The following TPRKB variants were observed in gnomAD, a reference collection of about 807,000 sequenced individuals.
TPRKB encodes TP53RK binding protein.
In TPRKB, 11 loss-of-function variants were observed where a neutral mutation model predicts 17.8. The observed-to-expected ratio is 0.62, with a 90% confidence interval of 0.39 to 1.02. TPRKB has a LOEUF of 1.02. TPRKB is among the 50% of genes least tolerant of loss of function. The pLI is 0.00. For synonymous variants in TPRKB, 71 were observed against 69.5 expected, an observed-to-expected ratio of 1.02 and a Z score of -0.11; for missense variants, 228 against 198.0, an observed-to-expected ratio of 1.15 and a Z score of -0.91.
rs148464280 is a variant in TPRKB at position 73,734,345 on chromosome 2, C to T, written c.141+84G>A. On this transcript the variant is annotated intron_variant, in intron 2 of 4. Coordinates refer to ENST00000272424, the MANE Select transcript of TPRKB (RefSeq NM_016058.5). ...AACTCCTGACCTCAGATGATCCACCCGCCTCGGCCTCCTAAAGTGCTGGCA... is the reference window on the plus strand; with the variant it reads ...AACTCCTGACCTCAGATGATCCACCTGCCTCGGCCTCCTAAAGTGCTGGCA... The T allele has an allele frequency of 2.4e-3, 3,367 of 1,392,622 alleles. 60 individuals are homozygous for T. In the African/African-American group the frequency reaches 0.041, roughly 17 times the overall value. 86.3% of individuals were successfully genotyped at this position (1,392,622 alleles called of 1,614,324 possible). A position where few individuals can be genotyped will look rare whatever the true frequency, so the allele number is the denominator to read the frequency against.
chr2:73,735,761 A>G (rs537272193), intron 1 of TPRKB, among the ~76,000 whole-genome samples: 2 of 152,344 alleles, frequency 1.3e-5, no homozygotes, highest in South Asian at 4.1e-4. Context: ...TCTTAATAAA[A>G]TATTTTGGTG....
At position 73,730,615 on chromosome 2, in the gene TPRKB, T is replaced by G; in HGVS notation, c.386A>C (p.His129Pro). Residue 129 changes from histidine to proline, a missense_variant, in exon 4 of 5, where the codon CAT (histidine) becomes CCT (proline). Coordinates refer to ENST00000272424, the MANE Select transcript of TPRKB (RefSeq NM_016058.5). ...QEYLISQVEG[H>P]QVSLKNLPEI... ...AGGAAGATTTTTCAGAGAAACCTGA[T>G]GACCTTCTACTTGAGATATTAGGTA... is the stretch of plus-strand genomic sequence containing the variant. 1.3e-6 allele frequency: 2 copies of G among 1,594,362 alleles called. 1 individual carries two copies. Among genetic ancestry groups the G allele is most frequent in the South Asian group, 2.3e-5 (2 of 86,264 alleles).
chr2:73,734,476 T>G lies in TPRKB; in HGVS notation c.94A>C (p.Lys32Gln), dbSNP rs1283083604. 1 of 1,614,010 alleles carries G rather than the reference T, an allele frequency of 6.2e-7. No individual in the cohort carries two copies. Among genetic ancestry groups the G allele is most frequent in the Non-Finnish European group, 8.5e-7 (1 of 1,179,968 alleles). The change falls in exon 2 of 5, where the codon AAG becomes CAG. Residue 32 changes from lysine to glutamine, a missense_variant. Transcript: ENST00000272424. ...CCATCGATGGTGCCTTCCATGGCCTTTCTTCTCAAGTCTCCCGCATTTTTT... is the reference window on the plus strand; with the variant it reads ...CCATCGATGGTGCCTTCCATGGCCTGTCTTCTCAAGTCTCCCGCATTTTTT... ...DVKNAGDLRR[K>Q]AMEGTIDGSL...
rs182515078 is a variant in TPRKB, at chr2:73,730,873, T to C, written c.265-137A>G. 11 of 560,458 alleles carry C rather than the reference T, an allele frequency of 2.0e-5. No individual in the cohort carries two copies. The Admixed American group carries it at 2.1e-4, about 11-fold the overall frequency. 34.7% of individuals were successfully genotyped at this position (560,458 alleles called of 1,614,324 possible). On this transcript the variant is annotated intron_variant, in intron 3 of 4. Transcript: ENST00000272424. ...CCTAACAGTTCTCACTGCCTACTTTTTCACTTTAATGATTCCTTTCCAACA... is the reference window on the plus strand; with the variant it reads ...CCTAACAGTTCTCACTGCCTACTTTCTCACTTTAATGATTCCTTTCCAACA...
chr2:73,735,867 G>A (rs1370417072), intron 1 of TPRKB, among the ~76,000 whole-genome samples: 2 of 152,096 alleles, frequency 1.3e-5, no homozygotes, highest in African/African-American at 4.8e-5. Flanking sequence ...AATTATATAA[G>A]ATGTTCCTCT....
rs932753922 is a variant in TPRKB at position 73,735,328 on chromosome 2, G to A, written c.-22-737C>T. Among the ~76,000 whole-genome samples, 6 of 101,230 alleles carry A rather than the reference G, an allele frequency of 5.9e-5. 1 individual carries two copies. Among genetic ancestry groups the A allele is most frequent in the South Asian group, 3.9e-4 (1 of 2,594 alleles). 66.4% of individuals were successfully genotyped at this position (101,230 alleles called of 152,430 possible). ...GCCTGGGCAACAAGAGTGAAACTCC[G>A]TCTCAAAAAAAAAAAAGAATAGGGG... On this transcript the variant is annotated intron_variant, in intron 1 of 4. Coordinates refer to ENST00000272424, the MANE Select transcript of TPRKB (RefSeq NM_016058.5).
intron 4 of TPRKB, 93 bp downstream of exon 4, chr2:73,730,467 C>G (rs1671547138): frequency 2.3e-6 from 2 of 883,128 alleles, no homozygotes; most frequent in Non-Finnish European, 1.7e-6. Flanking sequence ...CTCAAAAGTT[C>G]AAAAAACAAG....
chr2:73,734,043 T>C (rs1671761263), intron 2 of TPRKB, among the ~76,000 whole-genome samples: 1 of 149,656 alleles, frequency 6.7e-6, no homozygotes, highest in Non-Finnish European at 1.5e-5. Flanking sequence ...CCTGACCTCA[T>C]GATCTGCCTG....
intron 1 of TPRKB, among the ~76,000 whole-genome samples, chr2:73,735,296 C>G (rs1280545529): frequency 6.6e-6 from 1 of 151,478 alleles, no homozygotes; most frequent in Non-Finnish European, 1.5e-5. Flanking sequence ...CATACCATTG[C>G]ACCCCAGCCT....
chr2:73,732,089 A>T, intron 3 of TPRKB, 74 bp downstream of exon 3: 4 of 1,501,070 alleles, frequency 2.7e-6, no homozygotes, highest in Non-Finnish European at 3.6e-6. Flanking sequence ...GCAGGAATTT[A>T]GCCTCCAACC....
rs750795128 is a variant in TPRKB at position 73,734,521 on chromosome 2, G to A, written c.49C>T (p.Leu17Phe). 5 of 1,613,760 alleles carry A rather than the reference G, an allele frequency of 3.1e-6. No homozygotes were observed. The East Asian group carries it at 6.7e-5, about 22-fold the overall frequency. ...LDLFPECRVT[L>F]LLFKDVKNAG... is the part of the protein sequence containing the mutation. ...TTTTTTACATCTTTAAATAACAGAA[G>A]GGTTACCCTGCATTCGGGAAATAGG... The change falls in exon 2 of 5, where the codon CTT (leucine) becomes TTT (phenylalanine). Residue 17 changes from leucine (L) to phenylalanine (F), a missense_variant. Leu to Phe is a conservative substitution (Grantham distance 22, BLOSUM62 0). Transcript: ENST00000272424.
At chr2:73,730,903 T>C (rs904666148) in intron 3 of TPRKB, 167 bp from the exon 4 acceptor site, 27 of 498,868 alleles carry the variant, frequency 5.4e-5, no homozygotes, top group African/African-American at 4.9e-4. Flanking sequence ...CCAACATCCA[T>C]TGGCACTTCC....
At chr2:73,731,560 G>A (rs145700532) in intron 3 of TPRKB, among the ~76,000 whole-genome samples, 16 of 152,280 alleles carry the variant, frequency 1.1e-4, no homozygotes, top group African/African-American at 3.6e-4. Flanking sequence ...ATTAGTACCT[G>A]GTTGTTATTA....
At chr2:73,730,181 G>C in intron 4 of TPRKB, 152 bp from the exon 5 acceptor site, 1 of 950,384 alleles carries the variant, frequency 1.1e-6, no homozygotes, top group South Asian at 2.1e-5. Flanking sequence ...ATTCAAAGTA[G>C]AGGGCAATTC....
At chr2:73,733,637 C>G (rs369731926) in intron 2 of TPRKB, among the ~76,000 whole-genome samples, 1 of 152,100 alleles carries the variant, frequency 6.6e-6, no homozygotes, top group Admixed American at 6.6e-5. Context: ...AGACCACAAC[C>G]TTTCCTATTT....
chr2:73,733,246 G>GTTTT (rs3076394), intron 2 of TPRKB, among the ~76,000 whole-genome samples: 13,478 of 117,384 alleles, frequency 0.11, 1,177 homozygotes, highest in Non-Finnish European at 0.16. Context: ...CGTGTGCCCT[G>GTTTT]TTTTTTTGTT....
At chr2:73,733,234 T>C (rs1291775346) in intron 2 of TPRKB, among the ~76,000 whole-genome samples, 1 of 148,498 alleles carries the variant, frequency 6.7e-6, no homozygotes, top group Non-Finnish European at 1.5e-5. Flanking sequence ...ATGATCGCAC[T>C]GCGTGTGCCC....
chr2:73,734,199 A>G (rs1671770619), intron 2 of TPRKB, among the ~76,000 whole-genome samples: 1 of 151,466 alleles, frequency 6.6e-6, no homozygotes, highest in Admixed American at 6.6e-5. Context: ...CCAGGGTTCA[A>G]ATGATTTTCC....
chr2:73,734,468 C>A lies in TPRKB; in HGVS notation c.102G>T (p.Met34Ile), dbSNP rs776356488. Residue 34 changes from methionine (M) to isoleucine (I), a missense_variant, in exon 2 of 5, where the codon ATG (methionine) becomes ATT (isoleucine). By Grantham distance (10) the Met-to-Ile change is conservative. Transcript: ENST00000272424. Reference sequence around the variant, plus strand: ...TCAGTGATCCATCGATGGTGCCTTCCATGGCCTTTCTTCTCAAGTCTCCCG... The same window carrying A: ...TCAGTGATCCATCGATGGTGCCTTCAATGGCCTTTCTTCTCAAGTCTCCCG... ...KNAGDLRRKA[M>I]EGTIDGSLIN... 1 of 1,613,950 alleles carries A rather than the reference C, an allele frequency of 6.2e-7. No individual in the cohort carries two copies. Among genetic ancestry groups the A allele is most frequent in the South Asian group, 1.1e-5 (1 of 91,048 alleles).
Sources: allele counts gnomAD v4.1 joint callset (sites outside exome capture counted in the v4.1 genomes callset), GRCh38; gene constraint gnomAD v4.1.1; transcripts MANE v1.5; gene names NCBI Gene and HGNC (gene_info 2026-07-23, HGNC 2026-07-21).